MRRF: variants seen among roughly 807,000 people sequenced by gnomAD.
MRRF encodes mitochondrial ribosome recycling factor, also known as ribosome-recycling factor, mitochondrial.
A neutral mutation model predicts 25.1 loss-of-function variants in MRRF; 18 were observed. The ratio of observed to expected loss-of-function variants is 0.72; its 90% CI spans 0.50 to 1.06. The LOEUF (loss-of-function observed/expected upper bound fraction) is 1.06. Ranked by LOEUF, MRRF falls within the 50% of genes least tolerant of loss-of-function variation. MRRF has a pLI of 0.00. For missense variants in MRRF, 323 were observed against 319.3 expected (o/e 1.01, Z -0.09); for synonymous variants, 113 against 112.1 (o/e 1.01, Z -0.05).
At chr9:122,287,719 T>C (rs1833499737) in intron 4 of MRRF, among the ~76,000 whole-genome samples, 1 of 152,242 alleles carries the variant, frequency 6.6e-6, no homozygotes, top group South Asian at 2.1e-4. Context: ...CAGACATCTT[T>C]GCCATTTGTT....
Position 122,331,335 on chromosome 9 carries a change from A to G in MRRF, c.*8718A>G, listed in dbSNP as rs1454069195. 6.6e-6 allele frequency: 1 copy of G among 152,196 alleles called. No individual in the cohort carries two copies. Among genetic ancestry groups the G allele is most frequent in the Non-Finnish European group, 1.5e-5 (1 of 68,042 alleles). The allele number at this position is 152,196 out of a possible 1,614,324, so 9.4% of individuals were successfully genotyped here. A position where few individuals can be genotyped will look rare whatever the true frequency, so the allele number is the denominator to read the frequency against. On this transcript the variant is annotated 3_prime_UTR_variant, in exon 7 of 7. Transcript: ENST00000344641. ...GCATTAAAATATCCTTTCTATTATAAAATGATAAGTTGGTGATTCTTTAGA... is the reference window on the plus strand; with the variant it reads ...GCATTAAAATATCCTTTCTATTATAGAATGATAAGTTGGTGATTCTTTAGA...
chr9:122,265,836 C>T, intron 1 of MRRF: 2 of 1,039,688 alleles, frequency 1.9e-6, no homozygotes, highest in Admixed American at 2.3e-5. Flanking sequence ...CTTTCTCTAC[C>T]TGTTAAAGTG....
chr9:122,313,076 A>G (rs1835300854), intron 5 of MRRF, 151 bp from the exon 6 acceptor site: 1 of 817,078 alleles, frequency 1.2e-6, no homozygotes. Context: ...GCCTTTATAC[A>G]TGCGTTTTCC....
intron 5 of MRRF, among the ~76,000 whole-genome samples, chr9:122,302,693 A>G (rs946248096): frequency 6.6e-6 from 1 of 152,226 alleles, no homozygotes; most frequent in Non-Finnish European, 1.5e-5. Context: ...TTTTGTGTGA[A>G]CATGCTTTTA....
Position 122,280,289 on chromosome 9 carries a change from G to C in MRRF, c.185-154G>C, listed in dbSNP as rs1012508170. Among the ~76,000 whole-genome samples, 212 of 152,204 alleles carry C rather than the reference G, an allele frequency of 1.4e-3. 3 individuals are homozygous for C. Among genetic ancestry groups the C allele is most frequent in the Non-Finnish European group, 3.8e-4 (26 of 68,040 alleles). On this transcript the variant is annotated intron_variant, in intron 2 of 6. Coordinates refer to ENST00000344641, the MANE Select transcript of MRRF (RefSeq NM_138777.5). ...AGGTGTTTAGCACAGTTGACACTCA[G>C]TTAATATAGGCTCTTTTTTAGTGGA...
At chr9:122,316,107 G>A (rs531331497) in intron 6 of MRRF, among the ~76,000 whole-genome samples, 13 of 151,870 alleles carry the variant, frequency 8.6e-5, no homozygotes, top group African/African-American at 2.7e-4. Context: ...GTTATCTCTC[G>A]AAACAAGAAA....
In MRRF at chr9:122,291,793, T is replaced by A; in HGVS notation, c.504T>A (p.Asn168Lys). Residue 168 changes from asparagine to lysine, a missense_variant, in exon 5 of 7, where the codon AAT (asparagine) becomes AAA (lysine). By Grantham distance (94) the Asn-to-Lys change is moderately conservative. Transcript: ENST00000344641. ...AIKAIRESGMNLNPEVEGTLI... is the reference protein window; with the variant it reads ...AIKAIRESGMKLNPEVEGTLI... ...AGGCTATAAGAGAAAGTGGAATGAA[T>A]CTGAACCCAGAAGTGGAAGGGACGC... The A allele has an allele frequency of 6.2e-7, 1 of 1,614,000 alleles. No individual in the cohort carries two copies.
rs1836010112 is a variant in MRRF, at chr9:122,323,508, A to AT, written c.*895dup. 6.6e-6 allele frequency: 1 copy of AT among 151,932 alleles called. No individual in the cohort carries two copies. Among genetic ancestry groups the AT allele is most frequent in the African/African-American group, 2.4e-5 (1 of 41,332 alleles). 9.4% of individuals were successfully genotyped at this position (151,932 alleles called of 1,614,324 possible). On this transcript the variant is annotated 3_prime_UTR_variant, in exon 7 of 7. Transcript: ENST00000344641. Reference sequence around the variant, plus strand: ...CTAGTCTTAACACTCCCTTTCTATCATTTTCCACTCTTGTACTTGTTCTCA... The same window carrying AT: ...CTAGTCTTAACACTCCCTTTCTATCATTTTTCCACTCTTGTACTTGTTCTCA...
At chr9:122,292,664 A>T (rs1291849255) in intron 5 of MRRF, among the ~76,000 whole-genome samples, 1 of 152,098 alleles carries the variant, frequency 6.6e-6, no homozygotes, top group African/African-American at 2.4e-5. Context: ...TCTCACTGTG[A>T]TGGGAAGTCA....
intron 1 of MRRF, chr9:122,265,671 G>C (rs1429241492): frequency 1.1e-6 from 1 of 917,134 alleles, no homozygotes; most frequent in African/African-American, 1.7e-5. Context: ...CAAAATCTAC[G>C]TAGGAGAAAT....
chr9:122,296,371 G>T (rs112420570), intron 5 of MRRF, among the ~76,000 whole-genome samples: 7 of 152,156 alleles, frequency 4.6e-5, no homozygotes, highest in South Asian at 2.1e-4. Context: ...TACATTTTAG[G>T]TACCATTTAT....
intron 5 of MRRF, among the ~76,000 whole-genome samples, chr9:122,312,310 G>A (rs1383915997): frequency 6.6e-6 from 1 of 152,172 alleles, no homozygotes; most frequent in Non-Finnish European, 1.5e-5. Flanking sequence ...TTTAATAATA[G>A]TAGTAATTAG....
intron 3 of MRRF, among the ~76,000 whole-genome samples, chr9:122,281,402 A>G (rs944600362): frequency 2.6e-5 from 4 of 152,232 alleles, no homozygotes; most frequent in Non-Finnish European, 5.9e-5. Context: ...AGTTCATAAG[A>G]AAACTAGAAA....
intron 5 of MRRF, among the ~76,000 whole-genome samples, chr9:122,304,776 C>T (rs1834730067): frequency 6.6e-6 from 1 of 152,098 alleles, no homozygotes; most frequent in African/African-American, 2.4e-5. Flanking sequence ...GTTATTACCA[C>T]CACTGGTAAG....
At chr9:122,316,875 A>G (rs1177507976) in intron 6 of MRRF, among the ~76,000 whole-genome samples, 2 of 151,050 alleles carry the variant, frequency 1.3e-5, no homozygotes, top group Admixed American at 6.6e-5. Flanking sequence ...TATAGTATAT[A>G]TACAATTTTG....
At chr9:122,285,765 G>GTTT in intron 4 of MRRF, 2 of 1,111,344 alleles carry the variant, frequency 1.8e-6, no homozygotes, top group Non-Finnish European at 2.3e-6. Context: ...GACTAATTGA[G>GTTT]TTTTTTTTTT....
Position 122,324,229 on chromosome 9 carries a change from G to A in MRRF, c.*1612G>A, listed in dbSNP as rs573128986. The A allele has an allele frequency of 4.2e-4, 64 of 152,298 alleles. No individual in the cohort carries two copies. The highest frequency in any genetic ancestry group is 1.4e-3 in the African/African-American group (60 of 41,550). 9.4% of individuals were successfully genotyped at this position (152,298 alleles called of 1,614,324 possible). On this transcript the variant is annotated 3_prime_UTR_variant, in exon 7 of 7. Coordinates refer to ENST00000344641, the MANE Select transcript of MRRF (RefSeq NM_138777.5). ...CTCCTGACTGACCAACTACAAACTA[G>A]AGTCCTTGATTTCCTTTGGTTCAGT...
At chr9:122,272,952 A>G (rs545249917) in intron 2 of MRRF, among the ~76,000 whole-genome samples, 14 of 152,260 alleles carry the variant, frequency 9.2e-5, no homozygotes, top group Middle Eastern at 3.4e-3. Context: ...TTCTGTATAT[A>G]TATGGCATTG....
intron 2 of MRRF, among the ~76,000 whole-genome samples, chr9:122,273,229 A>G (rs1247754488): frequency 6.6e-6 from 1 of 152,112 alleles, no homozygotes; most frequent in African/African-American, 2.4e-5. Flanking sequence ...AGGTGGTTGG[A>G]TTGCTTGAGC....
Sources: allele counts gnomAD v4.1 joint callset (sites outside exome capture counted in the v4.1 genomes callset), GRCh38; gene constraint gnomAD v4.1.1; transcripts MANE v1.5; gene names NCBI Gene and HGNC (gene_info 2026-07-23, HGNC 2026-07-21).